The following WDR7 variants were observed in gnomAD, a reference collection of about 807,000 sequenced individuals.
The protein encoded by WDR7 is WD repeat-containing protein 7.
In WDR7, 46 loss-of-function variants were observed where a neutral mutation model predicts 169.4. The ratio of observed to expected loss-of-function variants is 0.27; its 90% CI spans 0.21 to 0.35. WDR7 has a LOEUF of 0.35. Ranked by LOEUF, WDR7 falls within the 10% of genes least tolerant of loss-of-function variation. The pLI is 1.00. For synonymous variants in WDR7, 612 were observed against 666.8 expected, an observed-to-expected ratio of 0.92 and a Z score of 1.27; for missense variants, 1,534 against 1,859.3, an observed-to-expected ratio of 0.83 and a Z score of 3.22.
At chr18:56,653,430 C>T (rs770009698) in intron 1 of WDR7, among the ~76,000 whole-genome samples, 4 of 152,166 alleles carry the variant, frequency 2.6e-5, no homozygotes, top group South Asian at 4.1e-4. Flanking sequence ...TGGTCTCGAA[C>T]TCCTGACCTC....
chr18:56,966,785 G>A (rs1232123300), intron 26 of WDR7, among the ~76,000 whole-genome samples: 1 of 152,144 alleles, frequency 6.6e-6, no homozygotes, highest in African/African-American at 2.4e-5. Context: ...GGCAGGCCAG[G>A]GGATTAAGAT....
Position 56,710,022 on chromosome 18 carries a change from G to C in WDR7, c.1579-7942G>C, listed in dbSNP as rs979311142. ...TATATAGTTGTTTTTTTTTTTTTTTGTGATGGAGTCTCGCTCTGTCACCCA... is the reference window on the plus strand; with the variant it reads ...TATATAGTTGTTTTTTTTTTTTTTTCTGATGGAGTCTCGCTCTGTCACCCA... On this transcript the variant is annotated intron_variant, in intron 12 of 27. Transcript: ENST00000254442. Among the ~76,000 whole-genome samples, 7 of 39,052 alleles carry C rather than the reference G, an allele frequency of 1.8e-4. No homozygotes were observed. The East Asian group carries it at 4.6e-3, about 26-fold the overall frequency. 25.6% of individuals were successfully genotyped at this position (39,052 alleles called of 152,430 possible). A position where few individuals can be genotyped will look rare whatever the true frequency, so the allele number is the denominator to read the frequency against.
At chr18:56,694,491 T>C in intron 9 of WDR7, 128 bp from the exon 10 acceptor site, 1 of 787,262 alleles carries the variant, frequency 1.3e-6, no homozygotes, top group Non-Finnish European at 1.9e-6. Flanking sequence ...TGAATAATCA[T>C]GCTATAAACA....
intron 16 of WDR7, among the ~76,000 whole-genome samples, chr18:56,773,966 A>G (rs1861906): frequency 0.35 from 52,653 of 151,670 alleles, 9,546 homozygotes; most frequent in South Asian, 0.41. Context: ...CTTTAAAAGG[A>G]CTCATCATTA....
intron 12 of WDR7, among the ~76,000 whole-genome samples, chr18:56,703,940 A>G (rs376096230): frequency 6.6e-5 from 10 of 152,286 alleles, no homozygotes; most frequent in East Asian, 3.9e-4. Context: ...TAATTTTTAA[A>G]GGCTTTTGAA....
At chr18:56,820,339 C>CAAAA (rs386387798) in intron 20 of WDR7, among the ~76,000 whole-genome samples, 3,762 of 42,192 alleles carry the variant, frequency 0.089, 949 homozygotes, top group Non-Finnish European at 0.1. Flanking sequence ...CTGACATTGT[C>CAAAA]AAAAAAAAAA....
chr18:56,883,141 T>C (rs892219329), intron 21 of WDR7, among the ~76,000 whole-genome samples: 9 of 135,564 alleles, frequency 6.6e-5, no homozygotes, highest in Admixed American at 3.4e-4. Context: ...ACCTGGGAGG[T>C]GGAGCTTGCA....
Position 56,693,655 on chromosome 18 carries a change from T to G in WDR7, c.967-964T>G, listed in dbSNP as rs143120473. Among the ~76,000 whole-genome samples, 102 of 145,846 alleles carry G rather than the reference T, an allele frequency of 7.0e-4. No homozygotes were observed. The East Asian group carries it at 0.02, about 29-fold the overall frequency. On this transcript the variant is annotated intron_variant, in intron 9 of 27. Transcript: ENST00000254442. Reference sequence around the variant, plus strand: ...GGTGTGATCTCGGCTCACTGCAACCTTTGCTTCCTGGGTTCAAGCGATTCT... The same window carrying G: ...GGTGTGATCTCGGCTCACTGCAACCGTTGCTTCCTGGGTTCAAGCGATTCT...
intron 1 of WDR7, among the ~76,000 whole-genome samples, chr18:56,652,769 A>T (rs1222088340): frequency 6.6e-6 from 1 of 152,214 alleles, no homozygotes; most frequent in Non-Finnish European, 1.5e-5. Flanking sequence ...TTTAAGAGAA[A>T]AATGAGAGTA....
intron 20 of WDR7, among the ~76,000 whole-genome samples, chr18:56,865,982 C>T (rs983867289): frequency 6.6e-6 from 1 of 151,966 alleles, no homozygotes; most frequent in African/African-American, 2.4e-5. Flanking sequence ...TAAAACTATA[C>T]AAGATTTGAA....
At chr18:56,785,881 G>T (rs569134910) in intron 19 of WDR7, among the ~76,000 whole-genome samples, 9 of 149,812 alleles carry the variant, frequency 6.0e-5, no homozygotes, top group African/African-American at 2.2e-4. Flanking sequence ...GTCCTGGCTG[G>T]ACTTGAACTC....
intron 25 of WDR7, among the ~76,000 whole-genome samples, chr18:56,948,298 A>G (rs1267463426): frequency 6.6e-6 from 1 of 152,146 alleles, no homozygotes; most frequent in Non-Finnish European, 1.5e-5. Flanking sequence ...ATTCCCAGAT[A>G]GGTCCTTATT....
intron 16 of WDR7, among the ~76,000 whole-genome samples, chr18:56,760,148 AAATAT>A (rs1484167675): frequency 1.2e-4 from 19 of 152,198 alleles, no homozygotes; most frequent in Admixed American, 1.1e-3. Context: ...TGCATGTGTG[AAATAT>A]AATATACATA....
At chr18:56,991,067 A>G (rs1296265554) in intron 26 of WDR7, among the ~76,000 whole-genome samples, 1 of 151,112 alleles carries the variant, frequency 6.6e-6, no homozygotes, top group East Asian at 1.9e-4. Flanking sequence ...AAGTCAGGGC[A>G]TGTGCCTTTC....
chr18:56,938,808 A>AGTGTGT (rs71171007), intron 24 of WDR7, 126 bp downstream of exon 24: 127,278 of 648,254 alleles, frequency 0.2, 8,525 homozygotes, highest in Middle Eastern at 0.24. Flanking sequence ...AGAAAGAATG[A>AGTGTGT]GTGTGTGTGT....
chr18:56,717,165 A>C (rs924500858), intron 12 of WDR7, among the ~76,000 whole-genome samples: 1 of 152,196 alleles, frequency 6.6e-6, no homozygotes, highest in African/African-American at 2.4e-5. Flanking sequence ...ATAAACCAGT[A>C]AGTCACTGAA....
intron 20 of WDR7, among the ~76,000 whole-genome samples, chr18:56,828,493 G>A (rs908019594): frequency 6.6e-6 from 1 of 152,260 alleles, no homozygotes; most frequent in East Asian, 1.9e-4. Context: ...GTCATTACTA[G>A]ACTTTAGAAA....
At chr18:56,842,235 G>C (rs1306536738) in intron 20 of WDR7, among the ~76,000 whole-genome samples, 1 of 151,892 alleles carries the variant, frequency 6.6e-6, no homozygotes, top group Non-Finnish European at 1.5e-5. Flanking sequence ...CTGGAGGCTA[G>C]GTCAAGGGGT....
chr18:56,702,055 A>G (rs2025845548), intron 12 of WDR7, among the ~76,000 whole-genome samples: 1 of 152,186 alleles, frequency 6.6e-6, no homozygotes, highest in African/African-American at 2.4e-5. Context: ...GAACTCTGGG[A>G]TAGGGGAGGC....
Sources: gnomAD v4.1 joint callset for allele counts (sites outside exome capture counted in the v4.1 genomes callset) on GRCh38, gnomAD v4.1.1 for gene constraint, MANE v1.5 for transcripts, NCBI Gene and HGNC (gene_info 2026-07-23, HGNC 2026-07-21) for gene names.